The following WNT10A variants were observed in gnomAD, a reference collection of about 807,000 sequenced individuals.
WNT10A encodes Wnt family member 10A.
Under a neutral mutation model 36.1 loss-of-function variants are expected in WNT10A, and 37 were observed. That is an observed-to-expected ratio of 1.02 (90% CI 0.79 to 1.35). The LOEUF is 1.35. WNT10A is among the 40% of genes most tolerant of loss of function. The probability of loss-of-function intolerance (pLI) is 0.00; values close to 1 mark genes in which losing one functional copy is unlikely to be tolerated. For missense variants in WNT10A, 613 were observed against 601.4 expected, an observed-to-expected ratio of 1.02 and a Z score of -0.20; for synonymous variants, 255 against 254.1, an observed-to-expected ratio of 1.00 and a Z score of -0.03.
At chr2:218,881,168 C>T in intron 1 of WNT10A, 60 bp downstream of exon 1, 1 of 1,549,748 alleles carries the variant, frequency 6.5e-7, no homozygotes, top group Non-Finnish European at 8.7e-7. Context: ...CTGCAGGGGC[C>T]TCTGATGCTC....
rs1944675489 is a variant in WNT10A, at chr2:218,893,056, G to T, written c.1039G>T (p.Glu347Ter). 2.5e-6 allele frequency: 4 copies of T among 1,596,370 alleles called. No individual in the cohort carries two copies. The highest frequency in any genetic ancestry group is 3.4e-6 in the Non-Finnish European group (4 of 1,179,092). ...VYFEKSPDFC[E>*]REPRLDSAGT... ...CTTCGAAAAGTCTCCCGACTTCTGC[G>T]AGCGCGAGCCGCGCCTGGACTCGGC... The change falls in exon 4 of 4, where the codon GAG becomes TAG. Residue 347 changes from glutamate to a stop codon, truncating the protein, a stop_gained. Coordinates refer to ENST00000258411, the MANE Select transcript of WNT10A (RefSeq NM_025216.3). LOFTEE classifies it high-confidence loss of function. The surrounding 1 kb of genome is among the most constrained non-coding windows in gnomAD (Gnocchi z 6.3).
chr2:218,874,128 A>C, the WNT10A span: 1 of 417,980 alleles, frequency 2.4e-6, no homozygotes, highest in Non-Finnish European at 4.2e-6. Flanking sequence ...AGTTTTTTAG[A>C]CTGGAAAAAA....
chr2:218,883,638 C>A (rs1944544210), intron 2 of WNT10A, among the ~76,000 whole-genome samples: 1 of 151,370 alleles, frequency 6.6e-6, no homozygotes, highest in South Asian at 2.1e-4. Context: ...TGGCGGCATG[C>A]AGCCGCGAAC....
intron 2 of WNT10A, among the ~76,000 whole-genome samples, chr2:218,888,373 C>T (rs1575232720): frequency 6.6e-6 from 1 of 152,256 alleles, no homozygotes; most frequent in East Asian, 1.9e-4. Flanking sequence ...CAGGTTGGAG[C>T]ACCAAGAAGG....
intron 3 of WNT10A, among the ~76,000 whole-genome samples, chr2:218,891,829 A>G (rs1392295785): frequency 6.6e-6 from 1 of 152,130 alleles, no homozygotes; most frequent in Admixed American, 6.5e-5. Context: ...GCCCTGGATC[A>G]TTGCCGTCCC....
intron 3 of WNT10A, among the ~76,000 whole-genome samples, chr2:218,891,589 C>T (rs1341146012): frequency 3.3e-5 from 5 of 152,204 alleles, no homozygotes; most frequent in Non-Finnish European, 5.9e-5. Context: ...AGCCTCACCG[C>T]CATCCCAGCC....
At chr2:218,892,382 G>T (rs1024341635) in intron 3 of WNT10A, among the ~76,000 whole-genome samples, 1 of 148,618 alleles carries the variant, frequency 6.7e-6, no homozygotes, top group African/African-American at 2.5e-5. Flanking sequence ...AGATACAGCG[G>T]GGCCAGCACC....
Position 218,890,401 on chromosome 2 carries a change from T to C in WNT10A, c.756+38T>C, listed in dbSNP as rs1411880161. On this transcript the variant is annotated intron_variant, in intron 3 of 3. Transcript: ENST00000258411. Reference sequence around the variant, plus strand: ...CCCCTGGGTCTGCTTCAAATCTCTTTGCCTAGGGCCTACCCCTTGCCCTGG... The same window carrying C: ...CCCCTGGGTCTGCTTCAAATCTCTTCGCCTAGGGCCTACCCCTTGCCCTGG... 1.9e-6 allele frequency: 3 copies of C among 1,598,944 alleles called. No individual in the cohort carries two copies. The Admixed American group carries it at 5.0e-5, about 27-fold the overall frequency.
chr2:218,881,823 T>C (rs2106011247), intron 1 of WNT10A, among the ~76,000 whole-genome samples: 1 of 152,228 alleles, frequency 6.6e-6, no homozygotes, highest in East Asian at 1.9e-4. Flanking sequence ...CTGAAACATA[T>C]CTGTGGGAGT....
In WNT10A at chr2:218,893,024, T is replaced by G; in HGVS notation, c.1007T>G (p.Leu336Arg). The change falls in exon 4 of 4, where the codon CTG becomes CGG. Residue 336 changes from leucine (L) to arginine (R), a missense_variant. Leu to Arg is a moderately radical substitution (Grantham distance 102). Transcript: ENST00000258411. The surrounding 1 kb of genome is among the most constrained non-coding windows in gnomAD (Gnocchi z 6.3). ...GPRRRASPAD[L>R]VYFEKSPDFC... ...CGCCGACGGGCCAGCCCCGCCGACC[T>G]GGTCTACTTCGAAAAGTCTCCCGAC... 3 of 1,592,192 alleles carry G rather than the reference T, an allele frequency of 1.9e-6. No individual in the cohort carries two copies. Among genetic ancestry groups the G allele is most frequent in the Non-Finnish European group, 2.5e-6 (3 of 1,177,522 alleles).
At chr2:218,891,848 G>T (rs985620232) in intron 3 of WNT10A, among the ~76,000 whole-genome samples, 2 of 152,160 alleles carry the variant, frequency 1.3e-5, no homozygotes, top group Non-Finnish European at 2.9e-5. Flanking sequence ...CCTGTCTCAG[G>T]GTGTGTTTTC....
In WNT10A at chr2:218,882,185, C is replaced by T. The variant is rs2106011476; in HGVS notation, c.138C>T (p.Asp46=). Residue 46 remains aspartate, a synonymous_variant, in exon 2 of 4, where the codon GAC becomes GAT. Transcript: ENST00000258411. ...MPRSAPNDIL[D]LRLPPEPVLN... The stretch of plus-strand genomic sequence containing the variant: ...GGTCAGCACCCAATGACATTCTGGA[C>T]CTCCGCCTCCCCCCGGAGCCCGTGC... The T allele has an allele frequency of 1.2e-6, 2 of 1,614,118 alleles. No individual in the cohort carries two copies. Among genetic ancestry groups the T allele is most frequent in the Non-Finnish European group, 1.7e-6 (2 of 1,179,984 alleles).
rs1944673171 is a variant in WNT10A at position 218,892,961 on chromosome 2, C to T, written c.944C>T (p.Ala315Val). 2 of 1,438,924 alleles carry T rather than the reference C, an allele frequency of 1.4e-6. No individual in the cohort carries two copies. Among genetic ancestry groups the T allele is most frequent in the Non-Finnish European group, 9.1e-7 (1 of 1,103,142 alleles). 89.1% of individuals were successfully genotyped at this position (1,438,924 alleles called of 1,614,324 possible). A position where few individuals can be genotyped will look rare whatever the true frequency, so the allele number is the denominator to read the frequency against. The change falls in exon 4 of 4, where the codon GCG becomes GTG. Residue 315 changes from alanine (A) to valine (V), a missense_variant. Physicochemically the swap from Ala to Val is moderately conservative, Grantham distance 64. Transcript: ENST00000258411. ...RNGGQLEPGP[A>V]GAPSPAPGAP... Reference sequence around the variant, plus strand: ...GGCGGCCAGCTGGAGCCGGGCCCAGCGGGGGCACCCTCGCCGGCTCCGGGC... The same window carrying T: ...GGCGGCCAGCTGGAGCCGGGCCCAGTGGGGGCACCCTCGCCGGCTCCGGGC...
At chr2:218,882,133 G>T in intron 1 of WNT10A, 28 bp from the exon 2 acceptor site, 2 of 1,608,286 alleles carry the variant, frequency 1.2e-6, no homozygotes, top group Admixed American at 1.7e-5. Context: ...CCCAAAACAC[G>T]TACCCACTCC....
chr2:218,885,465 T>G (rs1010878466), intron 2 of WNT10A, among the ~76,000 whole-genome samples: 4 of 152,128 alleles, frequency 2.6e-5, no homozygotes, highest in Admixed American at 1.3e-4. Context: ...AGGGGGCTGC[T>G]GGGAGCTGGG....
At chr2:218,877,519 C>T (rs1488241275), upstream of WNT10A, among the ~76,000 whole-genome samples, 1 of 152,190 alleles carries the variant, frequency 6.6e-6, no homozygotes, top group East Asian at 1.9e-4. This position sits in a 1 kb window ranked among gnomAD's most constrained non-coding sequence, Gnocchi z 4.1. Context: ...AGCTGCTCAG[C>T]CTCAGGCAGT....
At chr2:218,888,553 C>T (rs1944609283) in intron 2 of WNT10A, among the ~76,000 whole-genome samples, 1 of 152,240 alleles carries the variant, frequency 6.6e-6, no homozygotes, top group Non-Finnish European at 1.5e-5. Flanking sequence ...ATGCAGGACC[C>T]TGGGCTTCCC....
intron 2 of WNT10A, among the ~76,000 whole-genome samples, chr2:218,882,759 G>T (rs559203806): frequency 4.7e-4 from 71 of 152,322 alleles, no homozygotes; most frequent in African/African-American, 1.7e-3. Context: ...CTTACCCTCT[G>T]CTTAGTAAAC....
chr2:218,881,661 T>C (rs1944517589), intron 1 of WNT10A, among the ~76,000 whole-genome samples: 1 of 152,142 alleles, frequency 6.6e-6, no homozygotes, highest in Admixed American at 6.5e-5. Context: ...CATGGGTCAA[T>C]GTATGTTAAG....
Sources: allele counts gnomAD v4.1 joint callset (sites outside exome capture counted in the v4.1 genomes callset), GRCh38; gene constraint gnomAD v4.1.1; non-coding constraint Gnocchi (gnomAD v3.1); transcripts MANE v1.5; gene names NCBI Gene and HGNC (gene_info 2026-07-23, HGNC 2026-07-21).